The following GLYATL2 variants were observed in gnomAD, a reference collection of about 807,000 sequenced individuals.
GLYATL2 encodes glycine N-acyltransferase-like protein 2.
GLYATL2 carries 25 observed loss-of-function variants against 21.4 expected under a neutral mutation model. The ratio of observed to expected loss-of-function variants is 1.17; its 90% CI spans 0.85 to 1.63. The LOEUF is 1.63. Ranked by LOEUF, GLYATL2 falls within the 40% of genes most tolerant of loss-of-function variation. GLYATL2 has a pLI of 0.00. For synonymous variants in GLYATL2, 114 were observed against 118.2 expected, an observed-to-expected ratio of 0.96 and a Z score of 0.23; for missense variants, 361 against 343.3, an observed-to-expected ratio of 1.05 and a Z score of -0.41.
rs1853442903 is a variant in GLYATL2, at chr11:58,837,004, T to TA, written c.476+10dup. 1 of 1,608,778 alleles carries TA rather than the reference T, an allele frequency of 6.2e-7. No homozygotes were observed. Among genetic ancestry groups the TA allele is most frequent in the Non-Finnish European group, 8.5e-7 (1 of 1,177,828 alleles). On this transcript the variant is annotated intron_variant, in intron 5 of 5. Coordinates refer to ENST00000287275, the MANE Select transcript of GLYATL2 (RefSeq NM_145016.4). ...ATCAAGGAATTTGGGAAGCAAAAGG[T>TA]AAAATCTCACTTGTTATCATCATCC...
At chr11:58,853,658 C>T (rs960362699) in intron 1 of GLYATL2, among the ~76,000 whole-genome samples, 9 of 151,900 alleles carry the variant, frequency 5.9e-5, no homozygotes, top group South Asian at 2.1e-4. Context: ...ATATTTTTTT[C>T]GTAGTGAATA....
At chr11:58,834,985 G>T in intron 5 of GLYATL2, 148 bp from the exon 6 acceptor site, 1 of 607,850 alleles carries the variant, frequency 1.6e-6, no homozygotes, top group Non-Finnish European at 2.8e-6. Flanking sequence ...TTCTATTTCC[G>T]CTTCAAAATG....
upstream of GLYATL2, among the ~76,000 whole-genome samples, chr11:58,848,109 C>A (rs141906912): frequency 6.6e-6 from 1 of 150,464 alleles, no homozygotes; most frequent in Non-Finnish European, 1.5e-5. Context: ...GAGGCGGTAC[C>A]TTTATGAGTC....
intron 1 of GLYATL2, among the ~76,000 whole-genome samples, chr11:58,879,522 AGTTAAGG>A (rs1854294644): frequency 6.6e-6 from 1 of 152,230 alleles, no homozygotes; most frequent in South Asian, 2.1e-4. Context: ...AAATTATTCC[AGTTAAGG>A]AATGAAATTC....
chr11:58,893,864 T>A (rs932881473), intron 1 of GLYATL2, among the ~76,000 whole-genome samples: 1 of 152,244 alleles, frequency 6.6e-6, no homozygotes, highest in African/African-American at 2.4e-5. Context: ...ATGGATACTT[T>A]ATTTTAAATA....
intron 1 of GLYATL2, chr11:58,893,186 G>T: frequency 2.9e-6 from 1 of 347,414 alleles, no homozygotes; most frequent in East Asian, 5.1e-5. Context: ...TGTATCCTGG[G>T]TCCACAGGGG....
chr11:58,852,559 G>A (rs1412019597), intron 1 of GLYATL2, among the ~76,000 whole-genome samples: 1 of 152,136 alleles, frequency 6.6e-6, no homozygotes, highest in Non-Finnish European at 1.5e-5. Context: ...TTATGGAGCA[G>A]GAAATTGAGA....
At chr11:58,859,774 C>G (rs551517384) in intron 1 of GLYATL2, among the ~76,000 whole-genome samples, 1 of 152,202 alleles carries the variant, frequency 6.6e-6, no homozygotes, top group African/African-American at 2.4e-5. Context: ...GTCCTTAAAC[C>G]ATTTTTGGTT....
chr11:58,893,482 C>T (rs568844540), intron 1 of GLYATL2: 1 of 214,852 alleles, frequency 4.7e-6, no homozygotes, highest in South Asian at 1.0e-4. Flanking sequence ...GCTTTTCAAT[C>T]TTGGGCAAGC....
At chr11:58,846,739 T>G (rs1415524449), upstream of GLYATL2, among the ~76,000 whole-genome samples, 1 of 152,028 alleles carries the variant, frequency 6.6e-6, no homozygotes, top group African/African-American at 2.4e-5. Context: ...TGTTTCCAAG[T>G]AAACGTGAAA....
intron 1 of GLYATL2, among the ~76,000 whole-genome samples, chr11:58,852,160 A>C (rs935456458): frequency 6.6e-6 from 1 of 152,224 alleles, no homozygotes; most frequent in African/African-American, 2.4e-5. Flanking sequence ...TACTTCTGGC[A>C]GAACTTTCAT....
chr11:58,835,262 A>G (rs542016682), intron 5 of GLYATL2, among the ~76,000 whole-genome samples: 2 of 152,340 alleles, frequency 1.3e-5, no homozygotes, highest in African/African-American at 4.8e-5. Flanking sequence ...TATTTCATTG[A>G]ACAGATATTC....
At chr11:58,901,326 T>A (rs1854736590) in intron 1 of GLYATL2, among the ~76,000 whole-genome samples, 1 of 152,210 alleles carries the variant, frequency 6.6e-6, no homozygotes, top group African/African-American at 2.4e-5. Flanking sequence ...ACAATAAGAT[T>A]TTCATGCATC....
intron 1 of GLYATL2, among the ~76,000 whole-genome samples, chr11:58,876,669 C>T (rs1854238927): frequency 6.6e-6 from 1 of 152,114 alleles, no homozygotes; most frequent in South Asian, 2.1e-4. Context: ...CAGAGGAGTA[C>T]CTGGCTGTGT....
At chr11:58,836,018 A>G (rs1000814685) in intron 5 of GLYATL2, among the ~76,000 whole-genome samples, 2 of 152,110 alleles carry the variant, frequency 1.3e-5, no homozygotes, top group Non-Finnish European at 2.9e-5. Context: ...TTAGTAATAC[A>G]AATATAAAGC....
At chr11:58,901,435 T>C (rs1305847338) in intron 1 of GLYATL2, among the ~76,000 whole-genome samples, 1 of 152,116 alleles carries the variant, frequency 6.6e-6, no homozygotes. Context: ...TGAACTTAAA[T>C]ATATTTGGGT....
intron 1 of GLYATL2, among the ~76,000 whole-genome samples, chr11:58,903,478 G>C (rs1162497366): frequency 6.6e-6 from 1 of 152,012 alleles, no homozygotes; most frequent in East Asian, 1.9e-4. Flanking sequence ...TTCGACCCCA[G>C]ACTTGCCAAC....
intron 1 of GLYATL2, among the ~76,000 whole-genome samples, chr11:58,895,442 C>G (rs1385695929): frequency 6.6e-6 from 1 of 152,170 alleles, no homozygotes; most frequent in Non-Finnish European, 1.5e-5. Flanking sequence ...TGATTTCTCA[C>G]TTTTCTGGAA....
rs190647943 is a variant in GLYATL2 at position 58,873,270 on chromosome 11, C to T, written n.60+30886G>A. 4.7e-4 allele frequency among the ~76,000 whole-genome samples: 71 copies of T among 151,538 alleles called. 2 individuals are homozygous for T. The East Asian group carries it at 0.014, about 29-fold the overall frequency. ...ACTTCCTCTTTTCCTAATTGAATACCCTTTATTTCCTTCTCCTGCCTGAAT... is the reference window on the plus strand; with the variant it reads ...ACTTCCTCTTTTCCTAATTGAATACTCTTTATTTCCTTCTCCTGCCTGAAT... On this transcript the variant is annotated intron_variant and non_coding_transcript_variant, in intron 1 of 4. Transcript: ENST00000533636.
Sources: gnomAD v4.1 joint callset for allele counts (sites outside exome capture counted in the v4.1 genomes callset) on GRCh38, gnomAD v4.1.1 for gene constraint, MANE v1.5 for transcripts, NCBI Gene and HGNC (gene_info 2026-07-23, HGNC 2026-07-21) for gene names.